Variants in RBFOX2 observed in about 807,000 individuals in gnomAD.
RBFOX2 encodes RNA binding protein fox-1 homolog 2.
A neutral mutation model predicts 49.1 loss-of-function variants in RBFOX2; 10 were observed. The ratio of observed to expected loss-of-function variants is 0.20; its 90% CI spans 0.13 to 0.35. The LOEUF (loss-of-function observed/expected upper bound fraction) is 0.35. Ranked by LOEUF, RBFOX2 falls within the 10% of genes least tolerant of loss-of-function variation. The probability of loss-of-function intolerance (pLI) is 1.00; values close to 1 mark genes in which losing one functional copy is unlikely to be tolerated. For synonymous variants in RBFOX2, 183 were observed against 187.4 expected (o/e 0.98, Z 0.19); for missense variants, 323 against 486.9 (o/e 0.66, Z 3.17).
chr22:36,011,248 A>G (rs2058810261), intron 1 of RBFOX2, among the ~76,000 whole-genome samples: 1 of 152,204 alleles, frequency 6.6e-6, no homozygotes, highest in Non-Finnish European at 1.5e-5. Context: ...AGAGACGAGG[A>G]TACCTATCTT....
At chr22:35,911,821 C>CT (rs2049870223) in intron 1 of RBFOX2, among the ~76,000 whole-genome samples, 1 of 152,134 alleles carries the variant, frequency 6.6e-6, no homozygotes, top group Admixed American at 6.6e-5. Context: ...TCCCATCTCA[C>CT]CCCAGCCCTT....
intron 1 of RBFOX2, among the ~76,000 whole-genome samples, chr22:35,873,834 G>A (rs920301558): frequency 1.3e-5 from 2 of 152,022 alleles, no homozygotes; most frequent in Non-Finnish European, 2.9e-5. Flanking sequence ...GTGTCACCAC[G>A]CCCAGCTAAT....
chr22:35,798,756 T>C (rs1472044947), intron 2 of RBFOX2, among the ~76,000 whole-genome samples: 1 of 152,202 alleles, frequency 6.6e-6, no homozygotes, highest in Non-Finnish European at 1.5e-5. Flanking sequence ...CTCTAAATTA[T>C]GTTTGAAGAG....
chr22:35,743,346 G>A (rs1179391280), exon 12 of RBFOX2: 1 of 152,108 alleles, frequency 6.6e-6, no homozygotes. Flanking sequence ...GTTAATAAAA[G>A]AATACATGAG....
At chr22:35,743,286 T>C (rs1263638447) in exon 12 of RBFOX2, 1 of 152,214 alleles carries the variant, frequency 6.6e-6, no homozygotes, top group African/African-American at 2.4e-5. Context: ...TATTCACTTT[T>C]CTGTCCCTGG....
chr22:35,775,374 A>T (rs548186509), intron 4 of RBFOX2, among the ~76,000 whole-genome samples: 1 of 152,336 alleles, frequency 6.6e-6, no homozygotes, highest in East Asian at 1.9e-4. Context: ...AACATTTACC[A>T]ATTAGTACAC....
intron 1 of RBFOX2, chr22:35,821,708 G>T: frequency 1.9e-6 from 1 of 516,300 alleles, no homozygotes; most frequent in Non-Finnish European, 3.9e-6. Flanking sequence ...AAAGGCAGAG[G>T]TTCCCAGGCC....
rs1199468848 is a variant in RBFOX2, at chr22:36,028,246, CCCGCCGCCACCGTCGG to C, written c.164_179del (p.Ala55GlyfsTer7). Reference sequence around the variant, plus strand: ...CCCCGTCCCGCGCGGTCACCTGCATCCCGCCGCCACCGTCGGCCGCCGCCTCCTCAGTGCGCGGCCG... The same window carrying C: ...CCCCGTCCCGCGCGGTCACCTGCATCCCGCCGCCTCCTCAGTGCGCGGCCG... On this transcript the variant is annotated frameshift_variant, in exon 1 of 14. Coordinates refer to the RBFOX2 transcript ENST00000438146. LOFTEE classifies it high-confidence loss of function. 6.6e-7 allele frequency: 1 copy of C among 1,526,144 alleles called. No individual in the cohort carries two copies. The allele number at this position is 1,526,144 out of a possible 1,614,324, so 94.5% of individuals were successfully genotyped here.
chr22:35,887,514 C>T (rs1182170706), intron 1 of RBFOX2, among the ~76,000 whole-genome samples: 2 of 152,158 alleles, frequency 1.3e-5, no homozygotes, highest in African/African-American at 4.8e-5. Flanking sequence ...ACAGTAAACA[C>T]TTTTTTCTTA....
At chr22:35,867,496 C>A (rs1033366662) in intron 1 of RBFOX2, among the ~76,000 whole-genome samples, 23 of 152,170 alleles carry the variant, frequency 1.5e-4, no homozygotes, top group African/African-American at 4.8e-5. Flanking sequence ...TTTGCGTTTA[C>A]TAGACACACA....
chr22:35,764,400 C>T (rs552151668), intron 6 of RBFOX2, among the ~76,000 whole-genome samples: 23 of 151,894 alleles, frequency 1.5e-4, no homozygotes, highest in East Asian at 9.7e-4. Flanking sequence ...CTGGCTAACA[C>T]GGTGAAACCC....
chr22:35,954,754 T>C (rs1447356652), intron 1 of RBFOX2, among the ~76,000 whole-genome samples: 17 of 152,226 alleles, frequency 1.1e-4, no homozygotes, highest in Admixed American at 1.0e-3. Flanking sequence ...GAAAATAAGC[T>C]AGGGATTCTT....
intron 6 of RBFOX2, among the ~76,000 whole-genome samples, 155 bp downstream of exon 7, chr22:35,765,268 A>T (rs1286938650): frequency 6.6e-6 from 1 of 151,956 alleles, no homozygotes; most frequent in African/African-American, 2.4e-5. Context: ...TGACAAAGTT[A>T]TTCTGTAAAA....
chr22:35,810,523 AACAC>A (rs1162515640), intron 1 of RBFOX2, among the ~76,000 whole-genome samples: 5 of 151,854 alleles, frequency 3.3e-5, no homozygotes, highest in African/African-American at 1.2e-4. Context: ...TGTACACACA[AACAC>A]ACACACATCC....
chr22:35,837,342 T>C (rs1957853551), intron 1 of RBFOX2, among the ~76,000 whole-genome samples: 1 of 152,156 alleles, frequency 6.6e-6, no homozygotes, highest in African/African-American at 2.4e-5. Context: ...AGCAAAACAG[T>C]GAAAACACAT....
At chr22:36,009,106 T>C (rs1304781125) in intron 1 of RBFOX2, among the ~76,000 whole-genome samples, 2 of 152,228 alleles carry the variant, frequency 1.3e-5, no homozygotes, top group African/African-American at 2.4e-5. Context: ...TAGTTAATAC[T>C]AGAAGTCTTT....
intron 1 of RBFOX2, among the ~76,000 whole-genome samples, chr22:35,935,065 GCTGGGA>G (rs1170728144): frequency 1.3e-5 from 2 of 152,070 alleles, no homozygotes; most frequent in Non-Finnish European, 2.9e-5. Flanking sequence ...CTCCCGAGTA[GCTGGGA>G]CTACAGGCAC....
chr22:35,998,687 T>C (rs1310437628), intron 1 of RBFOX2: 1 of 152,188 alleles, frequency 6.6e-6, no homozygotes, highest in Non-Finnish European at 1.5e-5. Flanking sequence ...AATTAGGTTA[T>C]ATTTCATATA....
intron 1 of RBFOX2, among the ~76,000 whole-genome samples, chr22:35,881,442 G>A (rs1452777817): frequency 6.6e-6 from 1 of 151,768 alleles, no homozygotes; most frequent in East Asian, 1.9e-4. Flanking sequence ...TACAAAAATG[G>A]TGGCACACAT....
Sources: gnomAD v4.1 joint callset for allele counts (sites outside exome capture counted in the v4.1 genomes callset) on GRCh38, gnomAD v4.1.1 for gene constraint, MANE v1.5 for transcripts, NCBI Gene and HGNC (gene_info 2026-07-23, HGNC 2026-07-21) for gene names.